Variants in LRRC8A observed in about 807,000 individuals in gnomAD.
LRRC8A encodes the protein volume-regulated anion channel subunit LRRC8A.
A neutral mutation model predicts 52.5 loss-of-function variants in LRRC8A; 24 were observed. The ratio of observed to expected loss-of-function variants is 0.46; its 90% CI spans 0.33 to 0.64. The LOEUF (loss-of-function observed/expected upper bound fraction) is 0.64. Among genes scored for constraint, LRRC8A ranks in the 30% least tolerant of loss-of-function variants. The pLI is 0.02. For synonymous variants in LRRC8A, 492 were observed against 494.2 expected, an observed-to-expected ratio of 1.00 and a Z score of 0.06; for missense variants, 677 against 1,094.7, an observed-to-expected ratio of 0.62 and a Z score of 5.38.
At chr9:128,886,588 G>A (rs544684051) in intron 2 of LRRC8A, among the ~76,000 whole-genome samples, 1 of 152,304 alleles carries the variant, frequency 6.6e-6, no homozygotes, top group African/African-American at 2.4e-5. Flanking sequence ...CACGATAAGG[G>A]AGCTAGCGAC....
chr9:128,884,394 C>CTCATTCATTCATTCAT (rs147475056), intron 1 of LRRC8A, among the ~76,000 whole-genome samples: 2 of 152,084 alleles, frequency 1.3e-5, no homozygotes, highest in African/African-American at 4.8e-5. Flanking sequence ...CATGCCTTGA[C>CTCATTCATTCATTCAT]TCATTCATTC....
intron 2 of LRRC8A, among the ~76,000 whole-genome samples, chr9:128,898,038 CAGTGTGTG>C (rs1225523385): frequency 1.6e-5 from 1 of 62,622 alleles, no homozygotes; most frequent in African/African-American, 6.9e-5. Context: ...TAAGATTGTT[CAGTGTGTG>C]TGTGTGTGTG....
chr9:128,907,802 A>G lies in LRRC8A; in HGVS notation c.638A>G (p.Gln213Arg). 6.2e-7 allele frequency: 1 copy of G among 1,614,052 alleles called. No individual in the cohort carries two copies. Among genetic ancestry groups the G allele is most frequent in the Non-Finnish European group, 8.5e-7 (1 of 1,179,996 alleles). Residue 213 changes from glutamine (Q) to arginine (R), a missense_variant, in exon 3 of 4, where the codon CAG (glutamine) becomes CGG (arginine). Coordinates refer to ENST00000372600, the MANE Select transcript of LRRC8A (RefSeq NM_019594.4). This position sits in a 1 kb window ranked among gnomAD's most constrained non-coding sequence, Gnocchi z 9.3. Reference protein sequence around the residue: ...EDVEATVPMLQRTKSRIEQGI... With the variant: ...EDVEATVPMLRRTKSRIEQGI... ...GTGGAGGCCACCGTGCCCATGCTGC[A>G]GCGGACCAAGTCACGGATCGAGCAG...
rs1588235620 is a variant in LRRC8A at position 128,916,089 on chromosome 9, C to G, written c.2158-7C>G. On this transcript the variant is annotated splice_region_variant and splice_polypyrimidine_tract_variant and intron_variant, in intron 3 of 3. Coordinates refer to ENST00000372600, the MANE Select transcript of LRRC8A (RefSeq NM_019594.4). The surrounding 1 kb of genome is among the most constrained non-coding windows in gnomAD (Gnocchi z 6.1). ...CCTCACTCTCACCCCTGCTTTTTTCCCTCCAGATCGAGACGCTCCCTCCGG... is the reference window on the plus strand; with the variant it reads ...CCTCACTCTCACCCCTGCTTTTTTCGCTCCAGATCGAGACGCTCCCTCCGG... 2.1e-5 allele frequency: 34 copies of G among 1,592,356 alleles called. No homozygotes were observed. Among genetic ancestry groups the G allele is most frequent in the Non-Finnish European group, 2.8e-5 (33 of 1,165,816 alleles).
intron 2 of LRRC8A, among the ~76,000 whole-genome samples, chr9:128,896,511 G>A (rs1240209315): frequency 6.6e-6 from 1 of 152,150 alleles, no homozygotes; most frequent in Admixed American, 6.6e-5. Context: ...TGCCAATTGG[G>A]GGAGTGAAGT....
intron 1 of LRRC8A, among the ~76,000 whole-genome samples, chr9:128,884,575 C>T (rs1415220508): frequency 6.6e-6 from 1 of 152,140 alleles, no homozygotes; most frequent in African/African-American, 2.4e-5. Flanking sequence ...ATTACAGAGG[C>T]AGCCCAGAGG....
At chr9:128,912,530 G>C in intron 3 of LRRC8A, among the ~76,000 whole-genome samples, 1 of 143,958 alleles carries the variant, frequency 6.9e-6, no homozygotes, top group East Asian at 2.2e-4. Context: ...TGGCAGGGGG[G>C]TCCTGTCCTA....
At chr9:128,895,472 T>G (rs539324719) in intron 2 of LRRC8A, among the ~76,000 whole-genome samples, 1 of 152,382 alleles carries the variant, frequency 6.6e-6, no homozygotes, top group Non-Finnish European at 1.5e-5. Context: ...TCCAAGTCCT[T>G]GCTCTCTCTG....
In LRRC8A at chr9:128,916,458, C is replaced by CGGACAGCA. The variant is rs1840825916; in HGVS notation, c.*94_*95insAGGACAGC. 1 of 1,469,480 alleles carries CGGACAGCA rather than the reference C, an allele frequency of 6.8e-7. No homozygotes were observed. Among genetic ancestry groups the CGGACAGCA allele is most frequent in the Non-Finnish European group, 9.0e-7 (1 of 1,105,092 alleles). 91.0% of individuals were successfully genotyped at this position (1,469,480 alleles called of 1,614,324 possible). On this transcript the variant is annotated 3_prime_UTR_variant, in exon 4 of 4. Coordinates refer to ENST00000372600, the MANE Select transcript of LRRC8A (RefSeq NM_019594.4). This position sits in a 1 kb window ranked among gnomAD's most constrained non-coding sequence, Gnocchi z 6.1. ...CAGGCCTAGCTTCTCCCAGAACTCC[C>CGGACAGCA]GGACAGCCAGGACAGCCTCGTGGCT... is the stretch of plus-strand genomic sequence containing the variant.
Position 128,916,225 on chromosome 9 carries a change from G to A in LRRC8A, c.2287G>A (p.Gly763Ser), listed in dbSNP as rs1840811483. 1.2e-6 allele frequency: 2 copies of A among 1,613,534 alleles called. No individual in the cohort carries two copies. The highest frequency in any genetic ancestry group is 1.7e-6 in the Non-Finnish European group (2 of 1,179,990). The change falls in exon 4 of 4, where the codon GGC becomes AGC. Residue 763 changes from glycine (G) to serine (S), a missense_variant. Physicochemically the swap from Gly to Ser is moderately conservative, Grantham distance 56 (BLOSUM62 0). Around this residue, in one of 4 missense-constraint regions of LRRC8A, gnomAD observed 169 missense variants for 217.6 expected, o/e 0.78. Coordinates refer to ENST00000372600, the MANE Select transcript of LRRC8A (RefSeq NM_019594.4). The surrounding 1 kb of genome is among the most constrained non-coding windows in gnomAD (Gnocchi z 6.1). ...LTNLTQIELR[G>S]NRLECLPVEL... ...CAACCTGACGCAGATCGAGCTGCGG[G>A]GCAACCGGCTGGAGTGCCTGCCTGT...
chr9:128,883,610 G>GT (rs1839237196), intron 1 of LRRC8A, among the ~76,000 whole-genome samples: 1 of 152,202 alleles, frequency 6.6e-6, no homozygotes, highest in Non-Finnish European at 1.5e-5. Flanking sequence ...CTGCTTCCTT[G>GT]TTTTCCTGGT....
intron 2 of LRRC8A, among the ~76,000 whole-genome samples, chr9:128,904,477 C>T: frequency 6.6e-6 from 1 of 152,008 alleles, no homozygotes; most frequent in East Asian, 1.9e-4. Context: ...GAGATTGTGC[C>T]ACTGCACTCC....
At position 128,903,629 on chromosome 9, in the gene LRRC8A, G is replaced by A. The variant is rs561719051; in HGVS notation, c.-8-3528G>A. On this transcript the variant is annotated intron_variant, in intron 2 of 3. Coordinates refer to ENST00000372600, the MANE Select transcript of LRRC8A (RefSeq NM_019594.4). ...GGAGTTTCACCTTGTTAGCCAGGAT[G>A]GTCTCGATCTCCTGACCTCGTGATC... 2.6e-5 allele frequency among the ~76,000 whole-genome samples: 4 copies of A among 151,768 alleles called. No individual in the cohort carries two copies. In the East Asian group the frequency reaches 7.9e-4, roughly 30 times the overall value.
chr9:128,908,301 T>A lies in LRRC8A; in HGVS notation c.1137T>A (p.Ile379=), dbSNP rs1446016675. The change falls in exon 3 of 4, where the codon ATT becomes ATA. Residue 379 remains isoleucine (I), a synonymous_variant. Transcript: ENST00000372600. The part of the protein sequence containing the change: ...KNDFAFMLHL[I]DQYDPLYSKR... ...ACTTCGCCTTCATGCTGCACCTCAT[T>A]GACCAATACGACCCGCTCTACTCCA... 1.9e-6 allele frequency: 3 copies of A among 1,614,098 alleles called. No homozygotes were observed. The South Asian group carries it at 3.3e-5, about 18-fold the overall frequency.
In LRRC8A at chr9:128,907,587, C is replaced by T; in HGVS notation, c.423C>T (p.Asn141=). ...CGCTCATCTTCCTGGCCTGCAGCAACTTCTGGTTCAAATTCCCGCGCACCA... is the reference window on the plus strand; with the variant it reads ...CGCTCATCTTCCTGGCCTGCAGCAATTTCTGGTTCAAATTCCCGCGCACCA... The part of the protein sequence containing the change: ...LHTLIFLACS[N]FWFKFPRTSS... Residue 141 remains asparagine (N), a synonymous_variant, in exon 3 of 4, where the codon AAC becomes AAT. Transcript: ENST00000372600. The surrounding 1 kb of genome is among the most constrained non-coding windows in gnomAD (Gnocchi z 9.3). 1 of 1,614,168 alleles carries T rather than the reference C, an allele frequency of 6.2e-7. No homozygotes were observed. The highest frequency in any genetic ancestry group is 8.5e-7 in the Non-Finnish European group (1 of 1,180,036).
intron 3 of LRRC8A, among the ~76,000 whole-genome samples, chr9:128,912,388 G>A (rs184257835): frequency 2.4e-4 from 37 of 152,120 alleles, no homozygotes; most frequent in African/African-American, 7.7e-4. Context: ...CCTGAAGAAC[G>A]AGGAGGAGGA....
intron 2 of LRRC8A, among the ~76,000 whole-genome samples, chr9:128,889,575 A>G (rs1403878798): frequency 6.6e-6 from 1 of 151,136 alleles, no homozygotes; most frequent in East Asian, 1.9e-4. Context: ...GCTCACTGCA[A>G]CCTCCACCTC....
chr9:128,882,961 G>C (rs1254872796), intron 1 of LRRC8A: 1 of 395,556 alleles, frequency 2.5e-6, no homozygotes, highest in African/African-American at 2.1e-5. Flanking sequence ...GGCATAGCTG[G>C]GGTCATGGAG....
chr9:128,915,536 A>G (rs1420377802), intron 3 of LRRC8A, among the ~76,000 whole-genome samples: 3 of 152,166 alleles, frequency 2.0e-5, no homozygotes, highest in Non-Finnish European at 4.4e-5. Flanking sequence ...CGTGTTAGCC[A>G]GGATAGTCTC....
Sources: allele counts gnomAD v4.1 joint callset (sites outside exome capture counted in the v4.1 genomes callset), GRCh38; gene constraint gnomAD v4.1.1; regional missense constraint gnomAD v4.1.1; non-coding constraint Gnocchi (gnomAD v3.1); transcripts MANE v1.5; gene names NCBI Gene and HGNC (gene_info 2026-07-23, HGNC 2026-07-21).